The following EFCAB6 variants were observed in gnomAD, a reference collection of about 807,000 sequenced individuals.
EFCAB6 encodes the protein EF-hand calcium-binding domain-containing protein 6.
In EFCAB6, 156 loss-of-function variants were observed where a neutral mutation model predicts 169.8. The observed-to-expected ratio is 0.92, with a 90% CI of 0.81 to 1.05. EFCAB6 has a LOEUF of 1.05. Among genes scored for constraint, EFCAB6 ranks in the 50% least tolerant of loss-of-function variants. The pLI is 0.00. For synonymous variants in EFCAB6, 698 were observed against 676.4 expected, an observed-to-expected ratio of 1.03 and a Z score of -0.50; for missense variants, 1,800 against 1,829.1, an observed-to-expected ratio of 0.98 and a Z score of 0.29.
At chr22:43,536,832 G>A (rs2147031882) in intron 29 of EFCAB6, 1 of 152,808 alleles carries the variant, frequency 6.5e-6, no homozygotes, top group East Asian at 1.9e-4. Flanking sequence ...GTAAGACCCT[G>A]TTTCAAAAAC....
chr22:43,687,959 TGTGACTAC>T (rs1361583365), intron 10 of EFCAB6, among the ~76,000 whole-genome samples: 1 of 152,212 alleles, frequency 6.6e-6, no homozygotes, highest in Non-Finnish European at 1.5e-5. Context: ...CCTGAGCCTC[TGTGACTAC>T]GTTCTTGCCC....
intron 5 of EFCAB6, chr22:43,759,722 T>C (rs1302409785): frequency 1.3e-5 from 2 of 152,192 alleles, no homozygotes; most frequent in Non-Finnish European, 2.9e-5. Context: ...TGATTCCAGG[T>C]CATACCTTTT....
At chr22:43,758,234 C>A (rs1371307023) in intron 5 of EFCAB6, among the ~76,000 whole-genome samples, 2 of 151,940 alleles carry the variant, frequency 1.3e-5, no homozygotes, top group Non-Finnish European at 2.9e-5. Flanking sequence ...ATATTTGATC[C>A]TTTGCATTTA....
intron 17 of EFCAB6, among the ~76,000 whole-genome samples, chr22:43,645,763 C>T (rs2056115025): frequency 6.6e-6 from 1 of 151,946 alleles, no homozygotes; most frequent in African/African-American, 2.4e-5. Context: ...GAGTGTTTTA[C>T]TATAGATCAG....
At chr22:43,652,435 A>G (rs1054098666) in intron 17 of EFCAB6, among the ~76,000 whole-genome samples, 1 of 152,142 alleles carries the variant, frequency 6.6e-6, no homozygotes, top group South Asian at 2.1e-4. Context: ...TAAATTTTTC[A>G]GTCTCAGGTA....
chr22:43,631,960 C>T, intron 19 of EFCAB6, 145 bp downstream of exon 19: 1 of 1,241,216 alleles, frequency 8.1e-7, no homozygotes, highest in Non-Finnish European at 1.1e-6. Context: ...TCTCCCTGAC[C>T]AATGCTGGGT....
chr22:43,802,715 C>A, intron 2 of EFCAB6: 1 of 506,964 alleles, frequency 2.0e-6, no homozygotes, highest in South Asian at 1.4e-5. Context: ...TAACCCTGCA[C>A]AACATGGAGA....
chr22:43,633,926 C>T lies in EFCAB6; in HGVS notation c.2098+1176G>A, dbSNP rs536340774. Among the ~76,000 whole-genome samples the T allele has an allele frequency of 3.3e-5, 5 of 152,340 alleles. No individual in the cohort carries two copies. In the South Asian group the frequency reaches 1.0e-3, roughly 32 times the overall value. ...TCCCCCTGACCCCTAGCAGGGGCCA[C>T]ACAGGGCCTCACTCTCCACCTTGCT... On this transcript the variant is annotated intron_variant, in intron 18 of 31. Transcript: ENST00000262726.
In EFCAB6 at chr22:43,528,927, T is replaced by A; in HGVS notation, c.4432A>T (p.Ile1478Phe). The A allele has an allele frequency of 6.2e-7, 1 of 1,610,632 alleles. No individual in the cohort carries two copies. Among genetic ancestry groups the A allele is most frequent in the Non-Finnish European group, 8.5e-7 (1 of 1,177,174 alleles). Residue 1478 changes from isoleucine to phenylalanine, a missense_variant, in exon 32 of 32, where the codon ATT becomes TTT. Transcript: ENST00000262726. ...AGCGTCTTATCGTAATACTCCAGAA[T>A]ATGGAAGAACTCTTCCTCAGAGAGG... ...INLSEEEFFH[I>F]LEYYDKTLSS...
intron 27 of EFCAB6, among the ~76,000 whole-genome samples, chr22:43,547,450 C>A (rs1385382695): frequency 1.3e-5 from 2 of 152,036 alleles, no homozygotes; most frequent in Non-Finnish European, 2.9e-5. Flanking sequence ...TTTAAAAAAT[C>A]TCAATCTGGC....
chr22:43,655,832 C>A (rs1476854635), intron 17 of EFCAB6, among the ~76,000 whole-genome samples: 1 of 152,044 alleles, frequency 6.6e-6, no homozygotes, highest in East Asian at 1.9e-4. Flanking sequence ...AAAAGAAAGC[C>A]GAAGTGACTA....
chr22:43,716,938 G>T lies in EFCAB6; in HGVS notation c.792C>A (p.Ser264=). The stretch of plus-strand genomic sequence containing the variant: ...CAGAACCTAGCAAACGTTCCTTTTT[G>T]GAATTTTTGGCTTGTTGATTCTCCA... ...VSLENQQAKN[S]KKERLLGSAS... Residue 264 remains serine, a synonymous_variant, in exon 9 of 32, where the codon TCC becomes TCA. Transcript: ENST00000262726. The T allele has an allele frequency of 6.4e-7, 1 of 1,568,840 alleles. No individual in the cohort carries two copies. The highest frequency in any genetic ancestry group is 1.2e-5 in the South Asian group (1 of 80,668).
At chr22:43,614,859 T>G (rs9614238) in intron 21 of EFCAB6, among the ~76,000 whole-genome samples, 2 of 142,042 alleles carry the variant, frequency 1.4e-5, no homozygotes, top group African/African-American at 5.2e-5. Flanking sequence ...ACAGACAGTC[T>G]GCTTTATGGA....
chr22:43,559,588 A>G (rs2048906839), intron 26 of EFCAB6, among the ~76,000 whole-genome samples: 1 of 152,240 alleles, frequency 6.6e-6, no homozygotes, highest in Admixed American at 6.5e-5. Context: ...CACTATTTAC[A>G]ATAGCAAAGA....
intron 21 of EFCAB6, among the ~76,000 whole-genome samples, chr22:43,610,197 A>T (rs1344472147): frequency 6.6e-6 from 1 of 152,236 alleles, no homozygotes. Flanking sequence ...ATATTTATCA[A>T]AAGACATCAT....
At chr22:43,804,537 T>C (rs962738060) in intron 2 of EFCAB6, among the ~76,000 whole-genome samples, 2 of 151,986 alleles carry the variant, frequency 1.3e-5, no homozygotes, top group African/African-American at 2.4e-5. Flanking sequence ...AGGTGGAGGA[T>C]TGCTTGAGGC....
At chr22:43,752,921 G>A (rs1047728113) in intron 6 of EFCAB6, among the ~76,000 whole-genome samples, 1 of 152,174 alleles carries the variant, frequency 6.6e-6, no homozygotes, top group Non-Finnish European at 1.5e-5. Context: ...CACAGCAAGG[G>A]TTTTAGTGGT....
At chr22:43,580,681 G>C in intron 24 of EFCAB6, 22 bp from the exon 25 acceptor site, 1 of 1,609,542 alleles carries the variant, frequency 6.2e-7, no homozygotes, top group Non-Finnish European at 8.5e-7. Flanking sequence ...AGGAAGAAAA[G>C]AACATATTCA....
chr22:43,591,230 G>A (rs1362703835), intron 23 of EFCAB6, among the ~76,000 whole-genome samples: 1 of 150,792 alleles, frequency 6.6e-6, no homozygotes, highest in Admixed American at 6.6e-5. Context: ...GGCTGCGGTG[G>A]GTAGATCACG....
Sources: allele counts gnomAD v4.1 joint callset (sites outside exome capture counted in the v4.1 genomes callset), GRCh38; gene constraint gnomAD v4.1.1; transcripts MANE v1.5; gene names NCBI Gene and HGNC (gene_info 2026-07-23, HGNC 2026-07-21).